The following INTU variants were observed in gnomAD, a reference collection of about 807,000 sequenced individuals.
The protein encoded by INTU is inturned planar cell polarity protein, also known as protein inturned.
A neutral mutation model predicts 100.5 loss-of-function variants in INTU; 68 were observed. The ratio of observed to expected loss-of-function variants is 0.68; its 90% confidence interval spans 0.56 to 0.83. INTU has a LOEUF of 0.83. Ranked by LOEUF, INTU falls within the 40% of genes least tolerant of loss-of-function variation. The probability of loss-of-function intolerance (pLI) is 0.00; values close to 1 mark genes in which losing one functional copy is unlikely to be tolerated. For missense variants in INTU, 1,071 were observed against 1,114.7 expected (o/e 0.96, Z 0.56); for synonymous variants, 357 against 395.7 (o/e 0.90, Z 1.16).
intron 2 of INTU, among the ~76,000 whole-genome samples, chr4:127,653,236 A>T: frequency 8.2e-6 from 1 of 121,294 alleles, no homozygotes; most frequent in African/African-American, 3.4e-5. Flanking sequence ...TTCTGCTCTG[A>T]TTTTAGTTAT....
chr4:127,635,805 T>C (rs553348515), intron 1 of INTU, among the ~76,000 whole-genome samples: 51 of 152,344 alleles, frequency 3.3e-4, no homozygotes, highest in African/African-American at 1.2e-3. Context: ...TTAAGTCCAT[T>C]TATGCCTCTC....
chr4:127,633,015 T>C lies in INTU; in HGVS notation c.-20T>C, dbSNP rs1226990553. The stretch of plus-strand genomic sequence containing the variant: ...TGCGAGATTTGAATTACTCCACTCG[T>C]AGCTATTGCATTCCTGACGATGGCC... On this transcript the variant is annotated 5_prime_UTR_variant, in exon 1 of 16. Coordinates refer to ENST00000335251, the MANE Select transcript of INTU (RefSeq NM_015693.4). 3 of 1,606,682 alleles carry C rather than the reference T, an allele frequency of 1.9e-6. No individual in the cohort carries two copies. The highest frequency in any genetic ancestry group is 4.5e-5 in the East Asian group (2 of 44,704).
Position 127,656,675 on chromosome 4 carries a change from C to T in INTU, c.722C>T (p.Thr241Ile). The T allele has an allele frequency of 6.2e-7, 1 of 1,610,918 alleles. No individual in the cohort carries two copies. The change falls in exon 3 of 16, where the codon ACT (threonine) becomes ATT (isoleucine). Residue 241 changes from threonine (T) to isoleucine (I), a missense_variant. By Grantham distance (89) the Thr-to-Ile change is moderately conservative. Transcript: ENST00000335251. ...GCTGTGAATGATGTCGATGTTACTA[C>T]TGAAAACATCGAGAGAGTTCTGTCT... ...LVAVNDVDVT[T>I]ENIERVLSCI... is the part of the protein sequence containing the mutation.
chr4:127,657,150 C>G (rs1174583494), intron 3 of INTU, among the ~76,000 whole-genome samples: 1 of 151,554 alleles, frequency 6.6e-6, no homozygotes, highest in East Asian at 1.9e-4. Context: ...ATACAAGTTT[C>G]TTGATTTTTT....
chr4:127,713,806 C>A, intron 14 of INTU, 130 bp from the exon 15 acceptor site: 1 of 595,140 alleles, frequency 1.7e-6, no homozygotes, highest in Non-Finnish European at 2.8e-6. Context: ...AGAAATTTTC[C>A]TGCAGATAAG....
rs1395705419 is a variant in INTU, at chr4:127,725,148, A to G, written c.*8712A>G. 5.9e-5 allele frequency: 9 copies of G among 151,660 alleles called. No homozygotes were observed. Among genetic ancestry groups the G allele is most frequent in the Admixed American group, 1.3e-4 (2 of 15,158 alleles). 9.4% of individuals were successfully genotyped at this position (151,660 alleles called of 1,614,324 possible). A position where few individuals can be genotyped will look rare whatever the true frequency, so the allele number is the denominator to read the frequency against. Reference sequence around the variant, plus strand: ...TAAAAATACTAAAAAAAAAAAAAAAAAAAAAAAAATTAGCCGGGCATGGTG... The same window carrying G: ...TAAAAATACTAAAAAAAAAAAAAAAGAAAAAAAAATTAGCCGGGCATGGTG... On this transcript the variant is annotated 3_prime_UTR_variant, in exon 16 of 16. Coordinates refer to ENST00000335251, the MANE Select transcript of INTU (RefSeq NM_015693.4).
At chr4:127,644,120 C>A in intron 2 of INTU, 64 bp downstream of exon 2, 7 of 1,493,742 alleles carry the variant, frequency 4.7e-6, no homozygotes, top group South Asian at 1.3e-5. Flanking sequence ...TGACACCTTG[C>A]GGGAAATGTG....
rs1179227186 is a variant in INTU, at chr4:127,684,463, A to G, written c.1236A>G (p.Lys412=). The part of the protein sequence containing the change: ...NMIENVIQTL[K]FMYGSLDSAF... ...TAGAAAATGTCATCCAAACCTTAAA[A>G]TTTATGTATGGTTCTTTAGATAGGT... Residue 412 remains lysine (K), a synonymous_variant, in exon 7 of 16, where the codon AAA becomes AAG. Transcript: ENST00000335251. The G allele has an allele frequency of 1.9e-6, 3 of 1,598,330 alleles. No individual in the cohort carries two copies. The highest frequency in any genetic ancestry group is 2.7e-5 in the African/African-American group (2 of 74,336).
intron 8 of INTU, among the ~76,000 whole-genome samples, chr4:127,698,144 T>G (rs550051181): frequency 1.3e-5 from 2 of 151,994 alleles, no homozygotes; most frequent in African/African-American, 2.4e-5. Flanking sequence ...GTTAAAAACG[T>G]GTGTGAGGCC....
intron 8 of INTU, among the ~76,000 whole-genome samples, chr4:127,694,535 T>C (rs1186966521): frequency 6.6e-6 from 1 of 152,204 alleles, no homozygotes; most frequent in East Asian, 1.9e-4. Context: ...TAATGAAGTC[T>C]AGCTTATCAG....
intron 4 of INTU, among the ~76,000 whole-genome samples, chr4:127,666,193 A>G (rs1728689193): frequency 6.6e-6 from 1 of 152,106 alleles, no homozygotes; most frequent in South Asian, 2.1e-4. Flanking sequence ...CAAATCTGCC[A>G]TGATATCCCC....
At chr4:127,707,245 G>A (rs948187521) in intron 12 of INTU, among the ~76,000 whole-genome samples, 11 of 151,916 alleles carry the variant, frequency 7.2e-5, no homozygotes, top group Admixed American at 3.9e-4. Flanking sequence ...TGCCAGGCAC[G>A]TTGGTGCACA....
chr4:127,664,478 G>T (rs1267393536), intron 4 of INTU, among the ~76,000 whole-genome samples: 2 of 151,902 alleles, frequency 1.3e-5, no homozygotes, highest in Non-Finnish European at 2.9e-5. Context: ...CCCCTCTGAT[G>T]AGGATTTGTC....
Position 127,716,476 on chromosome 4 carries a change from T to A in INTU, c.*40T>A. On this transcript the variant is annotated 3_prime_UTR_variant, in exon 16 of 16. Coordinates refer to ENST00000335251, the MANE Select transcript of INTU (RefSeq NM_015693.4). ...TGCGTAGAAACACGTGCATGGAGGA[T>A]CAAACACTGTCAGAATTGCTGAAAT... The A allele has an allele frequency of 2.3e-6, 2 of 858,894 alleles. No homozygotes were observed. Among genetic ancestry groups the A allele is most frequent in the Non-Finnish European group, 3.6e-6 (2 of 557,166 alleles). 53.2% of individuals were successfully genotyped at this position (858,894 alleles called of 1,614,324 possible).
intron 2 of INTU, among the ~76,000 whole-genome samples, chr4:127,651,763 T>C (rs1727892795): frequency 6.6e-6 from 1 of 151,032 alleles, no homozygotes; most frequent in South Asian, 2.1e-4. Context: ...AAGAAAGTCA[T>C]TGGTAGCTTT....
intron 2 of INTU, among the ~76,000 whole-genome samples, chr4:127,654,311 G>C (rs981205944): frequency 9.9e-5 from 15 of 152,232 alleles, no homozygotes; most frequent in East Asian, 3.9e-4. Context: ...CAGTTTCTTC[G>C]TAGTCTCAAT....
intron 5 of INTU, 26 bp from the exon 6 acceptor site, chr4:127,674,098 C>T: frequency 4.8e-6 from 7 of 1,468,416 alleles, no homozygotes; most frequent in Non-Finnish European, 6.6e-6. Flanking sequence ...GTATTCTAAC[C>T]TTATTTTGAA....
chr4:127,701,238 C>A (rs1373856047), intron 9 of INTU, among the ~76,000 whole-genome samples: 1 of 152,090 alleles, frequency 6.6e-6, no homozygotes, highest in African/African-American at 2.4e-5. Flanking sequence ...TCCAGACTGG[C>A]AAATACTGCA....
At chr4:127,708,040 G>A (rs1473824580) in intron 12 of INTU, among the ~76,000 whole-genome samples, 1 of 152,150 alleles carries the variant, frequency 6.6e-6, no homozygotes, top group Non-Finnish European at 1.5e-5. Flanking sequence ...TAAGTGGGGT[G>A]TATTTGGAAG....
Sources: allele counts gnomAD v4.1 joint callset (sites outside exome capture counted in the v4.1 genomes callset), GRCh38; gene constraint gnomAD v4.1.1; transcripts MANE v1.5; gene names NCBI Gene and HGNC (gene_info 2026-07-23, HGNC 2026-07-21).